ARIH2: variants seen among roughly 807,000 people sequenced by gnomAD.
ARIH2 encodes the protein E3 ubiquitin-protein ligase ARIH2.
ARIH2 carries 12 observed loss-of-function variants against 79.8 expected under a neutral mutation model. That is an observed-to-expected ratio of 0.15 (90% CI 0.10 to 0.24). The LOEUF (loss-of-function observed/expected upper bound fraction) is 0.24. ARIH2 is among the 10% of genes least tolerant of loss of function. The probability of loss-of-function intolerance (pLI) is 1.00; values close to 1 mark genes in which losing one functional copy is unlikely to be tolerated. For missense variants in ARIH2, 301 were observed against 618.3 expected (o/e 0.49, Z 5.44); for synonymous variants, 224 against 213.9 (o/e 1.05, Z -0.41).
At chr3:48,954,116 G>A (rs947752714) in intron 3 of ARIH2, among the ~76,000 whole-genome samples, 18 of 151,904 alleles carry the variant, frequency 1.2e-4, no homozygotes, top group African/African-American at 4.1e-4. Context: ...AACCAAGATC[G>A]CGCCATTGCA....
intron 11 of ARIH2, among the ~76,000 whole-genome samples, chr3:48,976,466 C>T (rs2092507579): frequency 6.6e-6 from 1 of 152,070 alleles, no homozygotes. Context: ...CTGCCTCGAC[C>T]TCCCAAAGTG....
chr3:48,961,260 C>G (rs1222109521), intron 3 of ARIH2, among the ~76,000 whole-genome samples: 1 of 152,186 alleles, frequency 6.6e-6, no homozygotes, highest in Non-Finnish European at 1.5e-5. Flanking sequence ...CCTCCTACAG[C>G]AGCTTGAGGG....
At chr3:48,981,331 CAAAA>C (rs36083806) in intron 13 of ARIH2, among the ~76,000 whole-genome samples, 1 of 115,638 alleles carries the variant, frequency 8.6e-6, no homozygotes, top group East Asian at 2.4e-4. Context: ...AACCTTGTTT[CAAAA>C]AAAAAAAAAA....
chr3:48,978,859 G>T (rs545768188), intron 11 of ARIH2, among the ~76,000 whole-genome samples: 1 of 151,950 alleles, frequency 6.6e-6, no homozygotes, highest in South Asian at 2.1e-4. Flanking sequence ...TACTCGGGAG[G>T]CTGAGGCAAG....
At position 48,918,900 on chromosome 3, in the gene ARIH2, G is replaced by A. The variant is rs1479889337; in HGVS notation, c.-260G>A. On this transcript the variant is annotated 5_prime_UTR_variant, in exon 1 of 16. Transcript: ENST00000356401. ...GCGCGGGCTTGACCGGCGTCGGCCCGCCGCCTCCGCTGCCGCTTCGCCCCA... is the reference window on the plus strand; with the variant it reads ...GCGCGGGCTTGACCGGCGTCGGCCCACCGCCTCCGCTGCCGCTTCGCCCCA... 28 of 1,600,000 alleles carry A rather than the reference G, an allele frequency of 1.7e-5. No individual in the cohort carries two copies. Among genetic ancestry groups the A allele is most frequent in the Non-Finnish European group, 2.1e-5 (25 of 1,176,418 alleles).
intron 3 of ARIH2, chr3:48,934,303 G>C (rs962474521): frequency 1.3e-6 from 1 of 753,404 alleles, no homozygotes; most frequent in African/African-American, 1.9e-5. Flanking sequence ...CAAGTTAAAA[G>C]ATAACAAGTA....
intron 3 of ARIH2, among the ~76,000 whole-genome samples, chr3:48,940,656 A>G (rs975693164): frequency 6.6e-6 from 1 of 151,040 alleles, no homozygotes; most frequent in African/African-American, 2.4e-5. Flanking sequence ...TTAGTCAGGC[A>G]TGGTGGCGCG....
chr3:48,934,205 A>G (rs774914745), intron 3 of ARIH2: 3 of 333,996 alleles, frequency 9.0e-6, no homozygotes, highest in Non-Finnish European at 1.3e-5. Context: ...TGCCTTTTTC[A>G]CTTGTAACGT....
At chr3:48,942,670 A>C (rs1295029008) in intron 3 of ARIH2, among the ~76,000 whole-genome samples, 1 of 69,382 alleles carries the variant, frequency 1.4e-5, no homozygotes, top group Non-Finnish European at 2.7e-5. Context: ...TTTTTTTTTG[A>C]GATGGAGTTT....
At chr3:48,981,634 G>T (rs1187716535) in intron 13 of ARIH2, 26 bp from the exon 14 acceptor site, 1 of 1,600,450 alleles carries the variant, frequency 6.2e-7, no homozygotes, top group Non-Finnish European at 8.5e-7. Flanking sequence ...ACAGACACAG[G>T]TTCCTTCTCT....
chr3:48,931,741 G>T (rs1245787666), intron 3 of ARIH2, among the ~76,000 whole-genome samples: 1 of 152,068 alleles, frequency 6.6e-6, no homozygotes, highest in Non-Finnish European at 1.5e-5. Flanking sequence ...TTTCAGCCGG[G>T]TGCGGTGGCT....
intron 8 of ARIH2, 77 bp from the exon 9 acceptor site, chr3:48,973,622 C>T: frequency 1.0e-6 from 1 of 996,164 alleles, no homozygotes; most frequent in Non-Finnish European, 1.5e-6. Flanking sequence ...GATTTGTTGG[C>T]TTGGATAAAA....
At chr3:48,963,085 C>T (rs1338608162) in intron 4 of ARIH2, among the ~76,000 whole-genome samples, 1 of 152,112 alleles carries the variant, frequency 6.6e-6, no homozygotes. Context: ...CGTGCCTTTC[C>T]TTCTCCGGGC....
intron 5 of ARIH2, among the ~76,000 whole-genome samples, 194 bp from the exon 6 acceptor site, chr3:48,966,931 C>G (rs1259388846): frequency 6.6e-6 from 1 of 152,188 alleles, no homozygotes; most frequent in African/African-American, 2.4e-5. Context: ...CCAGCTGCCA[C>G]CTCCTTCAGG....
At chr3:48,926,259 G>GTGTGTGTA (rs770925031) in intron 2 of ARIH2, among the ~76,000 whole-genome samples, 7 of 152,056 alleles carry the variant, frequency 4.6e-5, no homozygotes, top group Middle Eastern at 6.8e-3. Context: ...GTGTGTGTGT[G>GTGTGTGTA]TGTGTGTATG....
Position 48,925,988 on chromosome 3 carries a change from G to A in ARIH2, c.-97-1474G>A, listed in dbSNP as rs927402550. ...CCGCCTTGGCTTCCCAAAGTGCTGG[G>A]ATTACAGGCGTGAGCCACCGCACCT... is the stretch of plus-strand genomic sequence containing the variant. On this transcript the variant is annotated intron_variant, in intron 2 of 15. Coordinates refer to ENST00000356401, the MANE Select transcript of ARIH2 (RefSeq NM_006321.4). Among the ~76,000 whole-genome samples the A allele has an allele frequency of 7.2e-5, 11 of 152,286 alleles. 1 individual carries two copies. In the Middle Eastern group the frequency reaches 0.01, roughly 141 times the overall value.
intron 3 of ARIH2, among the ~76,000 whole-genome samples, chr3:48,941,818 G>A (rs1054855537): frequency 2.0e-5 from 3 of 150,968 alleles, no homozygotes; most frequent in Admixed American, 6.6e-5. Flanking sequence ...TCCTGACCTC[G>A]TGATCCACCC....
At chr3:48,970,375 G>A (rs112829064) in intron 7 of ARIH2, among the ~76,000 whole-genome samples, 5 of 152,152 alleles carry the variant, frequency 3.3e-5, no homozygotes, top group African/African-American at 9.7e-5. Context: ...TATAAACTTA[G>A]ATCATTCCAG....
intron 3 of ARIH2, among the ~76,000 whole-genome samples, chr3:48,945,471 TG>T (rs1209560733): frequency 4.6e-5 from 7 of 152,210 alleles, no homozygotes; most frequent in Admixed American, 3.9e-4. Context: ...CCAAGTGCTC[TG>T]GGGTGTCAAA....
Sources: allele counts gnomAD v4.1 joint callset (sites outside exome capture counted in the v4.1 genomes callset), GRCh38; gene constraint gnomAD v4.1.1; transcripts MANE v1.5; gene names NCBI Gene and HGNC (gene_info 2026-07-23, HGNC 2026-07-21).